CHRNB4: variants seen among roughly 807,000 people sequenced by gnomAD.
The protein encoded by CHRNB4 is neuronal acetylcholine receptor subunit beta-4.
In CHRNB4, 23 loss-of-function variants were observed where a neutral mutation model predicts 40.4. The ratio of observed to expected loss-of-function variants is 0.57; its 90% CI spans 0.41 to 0.81. CHRNB4 has a LOEUF of 0.81. Ranked by LOEUF, CHRNB4 falls within the 30% of genes least tolerant of loss-of-function variation. CHRNB4 has a pLI of 0.00. For missense variants in CHRNB4, 568 were observed against 670.6 expected (o/e 0.85, Z 1.69); for synonymous variants, 285 against 274.4 (o/e 1.04, Z -0.38).
rs756148761 is a variant in CHRNB4 at position 78,629,320 on chromosome 15, T to C, written c.985A>G (p.Met329Val). 1.9e-6 allele frequency: 3 copies of C among 1,613,844 alleles called. No homozygotes were observed. Among genetic ancestry groups the C allele is most frequent in the South Asian group, 2.2e-5 (2 of 91,062 alleles). ...AAGCAGCGCTTGACCCAGGGTGCCA[T>C]GGTGTGGGTGCTGGGCGAGCGGTGG... ...VHHRSPSTHT[M>V]APWVKRCFLH... Residue 329 changes from methionine to valine, a missense_variant, in exon 5 of 6, where the codon ATG becomes GTG. Met to Val is a conservative substitution (Grantham distance 21). Around this residue, in one of 4 missense-constraint regions of CHRNB4, gnomAD observed 242 missense variants for 274.9 expected, o/e 0.88. Transcript: ENST00000261751. This position sits in a 1 kb window ranked among gnomAD's most constrained non-coding sequence, Gnocchi z 6.8.
Position 78,628,979 on chromosome 15 carries a change from A to G in CHRNB4, c.1326T>C (p.Asp442=), listed in dbSNP as rs375635989. 13 of 1,612,202 alleles carry G rather than the reference A, an allele frequency of 8.1e-6. No individual in the cohort carries two copies. The highest frequency in any genetic ancestry group is 7.7e-5 in the South Asian group (7 of 91,018). The change falls in exon 5 of 6, where the codon GAT becomes GAC. Residue 442 remains aspartate, a synonymous_variant. Coordinates refer to ENST00000261751, the MANE Select transcript of CHRNB4 (RefSeq NM_000750.5). ...SFIAQHMKND[D]EDQSVVEDWK... ...GTTAGCAACTTACACTCTGGTCTTC[A>G]TCGTCATTCTTCATGTGCTGGGCGA...
chr15:78,648,391 CAA>C (rs745703762), intron 7 of CHRNB4, among the ~76,000 whole-genome samples: 43 of 73,426 alleles, frequency 5.9e-4, no homozygotes, highest in Admixed American at 8.0e-4. Flanking sequence ...AGACTTGCCT[CAA>C]AAAAAAAAAA....
rs1405565752 is a variant in CHRNB4 at position 78,654,610 on chromosome 15, A to T, written c.-110+934T>A. Among the ~76,000 whole-genome samples the T allele has an allele frequency of 1.3e-5, 2 of 152,194 alleles. 1 individual carries two copies. The highest frequency in any genetic ancestry group is 4.1e-4 in the South Asian group (2 of 4,820). On this transcript the variant is annotated intron_variant and NMD_transcript_variant, in intron 5 of 11. Transcript: ENST00000559849. ...GTATCTTCCGTGTACGTGCTGTGAA[A>T]AATAGGCAATGTGAAATCCAGACAG...
chr15:78,634,620 A>C, intron 2 of CHRNB4: 1 of 434,868 alleles, frequency 2.3e-6, no homozygotes, highest in Non-Finnish European at 4.6e-6. Context: ...GAAGGCAGCT[A>C]CCTGGCCAGA....
At chr15:78,628,215 T>G (rs2053703028) in intron 5 of CHRNB4, 1 of 152,194 alleles carries the variant, frequency 6.6e-6, no homozygotes, top group South Asian at 2.1e-4. Flanking sequence ...GCACAATCGA[T>G]TAATTCATTA....
chr15:78,625,237 C>T lies in CHRNB4; in HGVS notation c.1393G>A (p.Val465Met), dbSNP rs764147269. The T allele has an allele frequency of 1.3e-6, 2 of 1,579,552 alleles. No homozygotes were observed. The highest frequency in any genetic ancestry group is 1.7e-6 in the Non-Finnish European group (2 of 1,163,704). The change falls in exon 6 of 6, where the codon GTG (valine) becomes ATG (methionine). Residue 465 changes from valine (V) to methionine (M), a missense_variant. Val to Met is a conservative substitution (Grantham distance 21). Around this residue, in one of 4 missense-constraint regions of CHRNB4, gnomAD observed 242 missense variants for 274.9 expected, o/e 0.88. Coordinates refer to ENST00000261751, the MANE Select transcript of CHRNB4 (RefSeq NM_000750.5). ...CCCAGGACGCACACAAACATGAACA[C>T]CCACAGGAACAGCCGGTCCACCACC... is the stretch of plus-strand genomic sequence containing the variant. ...AMVVDRLFLWVFMFVCVLGTV... is the reference protein window; with the variant it reads ...AMVVDRLFLWMFMFVCVLGTV...
intron 2 of CHRNB4, among the ~76,000 whole-genome samples, chr15:78,657,841 C>A (rs982998688): frequency 7.9e-6 from 1 of 127,074 alleles, no homozygotes; most frequent in Non-Finnish European, 1.9e-5. Context: ...CCTGAGCCAC[C>A]GCGCCTGGCT....
rs116366208 is a variant in CHRNB4, at chr15:78,651,472, A to G, written c.-16+1106T>C. ...TTTTGTGCAGATCCACAGATGTGGG[A>G]GCTCTGCAAGGCACAGCTGCCCAGA... On this transcript the variant is annotated intron_variant and NMD_transcript_variant, in intron 6 of 11. Coordinates refer to the CHRNB4 transcript ENST00000559849. Among the ~76,000 whole-genome samples, 594 of 152,234 alleles carry G rather than the reference A, an allele frequency of 3.9e-3. 5 individuals carry two copies. The highest frequency in any genetic ancestry group is 0.013 in the African/African-American group (559 of 41,528).
rs144247470 is a variant in CHRNB4, at chr15:78,654,373, C to T, written c.-110+1171G>A. On this transcript the variant is annotated intron_variant and NMD_transcript_variant, in intron 5 of 11. Transcript: ENST00000559849. ...AGACACCTTAAACAATAACAATGAC[C>T]GCAAAGAACATGCATTCAGTGCTTT... Among the ~76,000 whole-genome samples, 16 of 152,214 alleles carry T rather than the reference C, an allele frequency of 1.1e-4. No homozygotes were observed. The South Asian group carries it at 1.7e-3, about 16-fold the overall frequency.
At chr15:78,647,321 TTATATA>T (rs1267797339) in intron 7 of CHRNB4, among the ~76,000 whole-genome samples, 1 of 151,596 alleles carries the variant, frequency 6.6e-6, no homozygotes, top group African/African-American at 2.4e-5. Context: ...ATTTAAGGAA[TTATATA>T]TATAAACATT....
intron 2 of CHRNB4, among the ~76,000 whole-genome samples, chr15:78,632,147 TTCTG>T (rs1265214823): frequency 1.3e-4 from 7 of 53,776 alleles, no homozygotes; most frequent in African/African-American, 2.8e-4. Context: ...CTTTCTTTCT[TTCTG>T]TCTTTCTTTT....
rs186768956 is a variant in CHRNB4 at position 78,630,084 on chromosome 15, G to A, written c.360-139C>T. On this transcript the variant is annotated intron_variant, in intron 4 of 5. Transcript: ENST00000261751. Reference sequence around the variant, plus strand: ...ATCCCCCAGGCCCTCACTGAAAGGAGGGGTCTGCTTTTGTTAGCAACTATG... The same window carrying A: ...ATCCCCCAGGCCCTCACTGAAAGGAAGGGTCTGCTTTTGTTAGCAACTATG... 2.0e-4 allele frequency: 196 copies of A among 970,586 alleles called. 2 individuals carry two copies. The Admixed American group carries it at 6.3e-3, about 31-fold the overall frequency. The allele number at this position is 970,586 out of a possible 1,614,324, so 60.1% of individuals were successfully genotyped here. A position where few individuals can be genotyped will look rare whatever the true frequency, so the allele number is the denominator to read the frequency against.
Position 78,625,113 on chromosome 15 carries a change from C to T in CHRNB4, c.*20G>A, listed in dbSNP as rs779641338. On this transcript the variant is annotated 3_prime_UTR_variant, in exon 6 of 6. Transcript: ENST00000261751. The stretch of plus-strand genomic sequence containing the variant: ...CCACCCGGCCACTCACATCCTCTCA[C>T]CCCACAACCCAGGGGGCCCTCAGTC... The T allele has an allele frequency of 6.2e-7, 1 of 1,613,956 alleles. No individual in the cohort carries two copies. Among genetic ancestry groups the T allele is most frequent in the Admixed American group, 1.7e-5 (1 of 60,030 alleles).
chr15:78,625,135 A>G lies in CHRNB4; in HGVS notation c.1495T>C (p.Ter499ArgextTer11). 1 of 1,614,092 alleles carries G rather than the reference A, an allele frequency of 6.2e-7. No homozygotes were observed. The highest frequency in any genetic ancestry group is 8.5e-7 in the Non-Finnish European group (1 of 1,180,022). The change falls in exon 6 of 6, where the codon TGA becomes CGA. Residue 499 changes from the stop codon to arginine, a stop_lost. Transcript: ENST00000261751. Reference protein sequence around the residue: ...SEGPYAAQRD* With the variant: ...SEGPYAAQRDR ...TCACCCCACAACCCAGGGGGCCCTC[A>G]GTCACGCTGGGCAGCGTAGGGCCCC...
chr15:78,636,596 C>CACTTCCTTT (rs1171220692), intron 1 of CHRNB4, among the ~76,000 whole-genome samples: 4 of 151,952 alleles, frequency 2.6e-5, no homozygotes, highest in Non-Finnish European at 5.9e-5. Flanking sequence ...TTCACTGTCT[C>CACTTCCTTT]ACTTCCTGTT....
At chr15:78,645,765 T>C (rs1404393706), upstream of CHRNB4, among the ~76,000 whole-genome samples, 1 of 152,010 alleles carries the variant, frequency 6.6e-6, no homozygotes, top group Non-Finnish European at 1.5e-5. Context: ...TTTTAAAGAA[T>C]AAGAATGACA....
At chr15:78,659,019 A>G (rs1039075210) in intron 1 of CHRNB4, among the ~76,000 whole-genome samples, 8 of 152,254 alleles carry the variant, frequency 5.3e-5, no homozygotes, top group African/African-American at 1.9e-4. Flanking sequence ...CTGAGCATGT[A>G]CTATGTCCCA....
At chr15:78,661,616 C>T, upstream of CHRNB4, 1 of 491,796 alleles carries the variant, frequency 2.0e-6, no homozygotes, top group Admixed American at 2.3e-5. Flanking sequence ...CATGATGGCG[C>T]CTCCTGCTCG....
At chr15:78,644,500 C>A (rs972860785), upstream of CHRNB4, among the ~76,000 whole-genome samples, 1 of 152,008 alleles carries the variant, frequency 6.6e-6, no homozygotes, top group Non-Finnish European at 1.5e-5. Context: ...ACCAGGCCCT[C>A]ACTAGACACT....
Sources: gnomAD v4.1 joint callset for allele counts (sites outside exome capture counted in the v4.1 genomes callset) on GRCh38, gnomAD v4.1.1 for gene constraint, gnomAD v4.1.1 regional missense constraint, Gnocchi (gnomAD v3.1) non-coding constraint, MANE v1.5 for transcripts, NCBI Gene and HGNC (gene_info 2026-07-23, HGNC 2026-07-21) for gene names.